Variants in ZBTB20 observed in about 807,000 individuals in gnomAD.
ZBTB20 encodes the protein zinc finger and BTB domain containing 20, also known as zinc finger and BTB domain-containing protein 20.
A neutral mutation model predicts 56.9 loss-of-function variants in ZBTB20; 9 were observed. The observed-to-expected ratio is 0.16, with a 90% CI of 0.10 to 0.28. The LOEUF is 0.28. ZBTB20 is among the 10% of genes least tolerant of loss of function. The pLI is 1.00. For synonymous variants in ZBTB20, 417 were observed against 420.7 expected (o/e 0.99, Z 0.11); for missense variants, 655 against 1,003.0 (o/e 0.65, Z 4.69).
chr3:115,128,107 T>C (rs1339271644), intron 1 of ZBTB20, among the ~76,000 whole-genome samples: 16 of 152,172 alleles, frequency 1.1e-4, no homozygotes. Flanking sequence ...CATCCAAGAA[T>C]GCACGCAACA....
At chr3:114,832,025 T>C (rs2073872658) in intron 4 of ZBTB20, among the ~76,000 whole-genome samples, 1 of 152,212 alleles carries the variant, frequency 6.6e-6, no homozygotes, top group Non-Finnish European at 1.5e-5. Flanking sequence ...TCTGCATTGT[T>C]TTCACGAAAC....
At chr3:114,559,522 C>T (rs1436471018) in intron 6 of ZBTB20, among the ~76,000 whole-genome samples, 1 of 152,106 alleles carries the variant, frequency 6.6e-6, no homozygotes, top group Non-Finnish European at 1.5e-5. Flanking sequence ...GTTTGTGAAT[C>T]CTTTGAAAAG....
chr3:114,774,112 T>G (rs2069418109), intron 5 of ZBTB20, among the ~76,000 whole-genome samples: 1 of 152,186 alleles, frequency 6.6e-6, no homozygotes, highest in Admixed American at 6.6e-5. Context: ...ACCAACAACA[T>G]GCTGAAAACA....
chr3:114,959,939 C>T (rs1248445999), intron 3 of ZBTB20, among the ~76,000 whole-genome samples: 1 of 152,102 alleles, frequency 6.6e-6, no homozygotes, highest in Non-Finnish European at 1.5e-5. Flanking sequence ...CTTAAAATGG[C>T]CATTTTCACA....
intron 3 of ZBTB20, among the ~76,000 whole-genome samples, chr3:114,934,692 CT>C (rs1447590520): frequency 6.6e-6 from 1 of 151,862 alleles, no homozygotes; most frequent in Non-Finnish European, 1.5e-5. Context: ...TAAACTGAGT[CT>C]CTTCTAAATT....
At chr3:114,943,743 A>G (rs1257487242) in intron 3 of ZBTB20, among the ~76,000 whole-genome samples, 1 of 145,038 alleles carries the variant, frequency 6.9e-6, no homozygotes, top group Non-Finnish European at 1.5e-5. Flanking sequence ...AAAATGTTTT[A>G]ACATACAAAT....
rs574861687 is a variant in ZBTB20 at position 114,944,190 on chromosome 3, CAGA to C, written c.-456+30173_-456+30175del. 7.4e-4 allele frequency among the ~76,000 whole-genome samples: 108 copies of C among 145,456 alleles called. 4 individuals are homozygous for C. The highest frequency in any genetic ancestry group is 9.8e-4 in the Non-Finnish European group (66 of 67,592). ...GTAAAAGATCTGAACACACATTTCT[CAGA>C]AGAAGACATAAAAATGGTCAACAGA... On this transcript the variant is annotated intron_variant, in intron 3 of 11. Transcript: ENST00000675478.
intron 5 of ZBTB20, among the ~76,000 whole-genome samples, chr3:114,768,195 G>A (rs190246796): frequency 2.1e-4 from 32 of 151,732 alleles, no homozygotes; most frequent in African/African-American, 6.8e-4. Context: ...AAAATAAAAA[G>A]GTGTTCCTTC....
intron 8 of ZBTB20, among the ~76,000 whole-genome samples, chr3:114,385,945 G>T (rs1050905316): frequency 6.6e-6 from 1 of 152,188 alleles, no homozygotes; most frequent in Non-Finnish European, 1.5e-5. Context: ...TGTTATTGTA[G>T]CAAAGGCAGA....
intron 1 of ZBTB20, among the ~76,000 whole-genome samples, chr3:115,088,239 T>C (rs2083059758): frequency 6.6e-6 from 1 of 151,892 alleles, no homozygotes; most frequent in Non-Finnish European, 1.5e-5. Flanking sequence ...GGAGTATAGG[T>C]AAAGTTCTTC....
chr3:114,920,322 T>C (rs113466251), intron 3 of ZBTB20, among the ~76,000 whole-genome samples: 3 of 152,294 alleles, frequency 2.0e-5, no homozygotes, highest in African/African-American at 4.8e-5. Flanking sequence ...CAGTAGAATA[T>C]ACATTTTTCT....
At chr3:114,685,866 ACTGAAAACTC>A (rs1345620355) in intron 6 of ZBTB20, among the ~76,000 whole-genome samples, 1 of 152,182 alleles carries the variant, frequency 6.6e-6, no homozygotes, top group African/African-American at 2.4e-5. Context: ...AAGTGTTTAG[ACTGAAAACTC>A]CTTTACTTCA....
chr3:114,533,699 G>T (rs1033543648), intron 6 of ZBTB20, among the ~76,000 whole-genome samples: 19 of 152,146 alleles, frequency 1.2e-4, no homozygotes, highest in African/African-American at 4.3e-4. Flanking sequence ...GATTCACCAA[G>T]ATTGAAATGA....
intron 6 of ZBTB20, among the ~76,000 whole-genome samples, chr3:114,673,325 C>T (rs2061454946): frequency 6.6e-6 from 1 of 152,028 alleles, no homozygotes; most frequent in Non-Finnish European, 1.5e-5. Context: ...ACTGTACCTA[C>T]CCCACAGGGT....
At chr3:114,889,196 C>T (rs1331576070) in intron 4 of ZBTB20, among the ~76,000 whole-genome samples, 1 of 151,698 alleles carries the variant, frequency 6.6e-6, no homozygotes, top group African/African-American at 2.4e-5. Context: ...TCATAATTTC[C>T]CTTAAAGACT....
At chr3:114,763,084 T>A (rs183857833) in intron 5 of ZBTB20, among the ~76,000 whole-genome samples, 24 of 152,276 alleles carry the variant, frequency 1.6e-4, no homozygotes, top group Admixed American at 1.3e-3. Flanking sequence ...GAGACCTAGA[T>A]AATGAAGGAA....
chr3:115,134,857 G>A (rs2084612671), intron 1 of ZBTB20, among the ~76,000 whole-genome samples: 1 of 152,142 alleles, frequency 6.6e-6, no homozygotes, highest in African/African-American at 2.4e-5. Flanking sequence ...ATCACAGGTG[G>A]TGAAAAGCAA....
At chr3:115,065,495 T>G (rs982132435) in intron 2 of ZBTB20, among the ~76,000 whole-genome samples, 1 of 152,190 alleles carries the variant, frequency 6.6e-6, no homozygotes, top group Non-Finnish European at 1.5e-5. Context: ...TGCTTCCTCT[T>G]CCTTATGCCT....
intron 6 of ZBTB20, among the ~76,000 whole-genome samples, chr3:114,514,790 A>T (rs946228354): frequency 2.6e-5 from 4 of 152,192 alleles, no homozygotes; most frequent in African/African-American, 9.7e-5. Context: ...TAACAGAATA[A>T]ATCGATAATC....
Sources: allele counts gnomAD v4.1 joint callset (sites outside exome capture counted in the v4.1 genomes callset), GRCh38; gene constraint gnomAD v4.1.1; transcripts MANE v1.5; gene names NCBI Gene and HGNC (gene_info 2026-07-23, HGNC 2026-07-21).